FBXL7: variants seen among roughly 807,000 people sequenced by gnomAD.
The protein encoded by FBXL7 is F-box/LRR-repeat protein 7.
A neutral mutation model predicts 38.3 loss-of-function variants in FBXL7; 12 were observed. The ratio of observed to expected loss-of-function variants is 0.31; its 90% CI spans 0.20 to 0.51. The LOEUF is 0.51. FBXL7 is among the 20% of genes least tolerant of loss of function. The pLI, the probability that FBXL7 is intolerant of heterozygous loss-of-function variation, is 0.98. For missense variants in FBXL7, 567 were observed against 676.4 expected, an observed-to-expected ratio of 0.84 and a Z score of 1.79; for synonymous variants, 297 against 300.9, an observed-to-expected ratio of 0.99 and a Z score of 0.13.
At chr5:15,522,546 A>G (rs1309477513) in intron 1 of FBXL7, among the ~76,000 whole-genome samples, 13 of 152,200 alleles carry the variant, frequency 8.5e-5, no homozygotes, top group African/African-American at 3.1e-4. Context: ...CTGTTCAGAA[A>G]ATATTCCAGA....
chr5:15,653,653 A>G (rs1741779651), intron 2 of FBXL7, among the ~76,000 whole-genome samples: 1 of 152,228 alleles, frequency 6.6e-6, no homozygotes, highest in African/African-American at 2.4e-5. Flanking sequence ...TTTGAGGAGC[A>G]TGATAAAATT....
intron 1 of FBXL7, among the ~76,000 whole-genome samples, chr5:15,530,523 C>A (rs1737388895): frequency 6.6e-6 from 1 of 152,092 alleles, no homozygotes; most frequent in African/African-American, 2.4e-5. Context: ...CTTACAGATT[C>A]CCAGATAAGT....
At chr5:15,761,516 T>G (rs903476706) in intron 2 of FBXL7, among the ~76,000 whole-genome samples, 1 of 152,226 alleles carries the variant, frequency 6.6e-6, no homozygotes, top group African/African-American at 2.4e-5. Flanking sequence ...CTAAAAATAT[T>G]TAAAAGTCAA....
chr5:15,716,177 T>A (rs56161126), intron 2 of FBXL7, among the ~76,000 whole-genome samples: 44,838 of 152,166 alleles, frequency 0.29, 7,336 homozygotes, highest in South Asian at 0.38. Context: ...TAACGCTCTA[T>A]TGTTTATCCT....
At chr5:15,561,076 A>G (rs1170884246) in intron 1 of FBXL7, among the ~76,000 whole-genome samples, 1 of 152,184 alleles carries the variant, frequency 6.6e-6, no homozygotes, top group Non-Finnish European at 1.5e-5. Flanking sequence ...GTAAAGAGTT[A>G]AGAGATCTAA....
chr5:15,617,422 C>CATACATTT (rs1554009585), intron 2 of FBXL7, among the ~76,000 whole-genome samples: 9 of 142,736 alleles, frequency 6.3e-5, no homozygotes, highest in Non-Finnish European at 1.4e-4. Context: ...TGATTCTAGA[C>CATACATTT]ATTTATTTAT....
intron 2 of FBXL7, among the ~76,000 whole-genome samples, chr5:15,714,291 C>A (rs1743969203): frequency 6.6e-6 from 1 of 152,212 alleles, no homozygotes. Context: ...CCTTCTCTCT[C>A]TTCCTCCTTC....
Position 15,623,636 on chromosome 5 carries a change from A to C in FBXL7, c.127+7564A>C, listed in dbSNP as rs1274119195. Among the ~76,000 whole-genome samples, 3 of 152,274 alleles carry C rather than the reference A, an allele frequency of 2.0e-5. No homozygotes were observed. In the East Asian group the frequency reaches 5.8e-4, roughly 29 times the overall value. ...ATTGTCTTCTTTCTACTTCTTCTTG[A>C]ATATACTTTTCAAACAAAATTTACA... On this transcript the variant is annotated intron_variant, in intron 2 of 3. Coordinates refer to ENST00000504595, the MANE Select transcript of FBXL7 (RefSeq NM_012304.5).
At chr5:15,572,372 C>A (rs923237070) in intron 1 of FBXL7, among the ~76,000 whole-genome samples, 1 of 145,784 alleles carries the variant, frequency 6.9e-6, no homozygotes, top group African/African-American at 2.6e-5. Context: ...GCAGAAACAT[C>A]CATCTGGTTT....
chr5:15,797,330 G>A (rs531777243), intron 2 of FBXL7, among the ~76,000 whole-genome samples: 2 of 152,198 alleles, frequency 1.3e-5, no homozygotes, highest in African/African-American at 4.8e-5. Flanking sequence ...CCAGAGGAAC[G>A]TGATATGTGG....
intron 2 of FBXL7, among the ~76,000 whole-genome samples, chr5:15,916,044 C>T (rs550224592): frequency 7.2e-5 from 11 of 152,222 alleles, no homozygotes; most frequent in Admixed American, 4.6e-4. Context: ...TAATACAGAA[C>T]GTAAGGCGGA....
intron 2 of FBXL7, among the ~76,000 whole-genome samples, chr5:15,852,178 G>A (rs1375983705): frequency 6.6e-6 from 1 of 152,112 alleles, no homozygotes. Context: ...TATTGGATTG[G>A]TTACAATGGA....
chr5:15,658,913 G>T (rs970165629), intron 2 of FBXL7, among the ~76,000 whole-genome samples: 2 of 151,918 alleles, frequency 1.3e-5, no homozygotes. Flanking sequence ...TTCTTTTTTT[G>T]GAGGCAGAAA....
At chr5:15,592,356 T>G (rs1200174856) in intron 1 of FBXL7, among the ~76,000 whole-genome samples, 1 of 152,166 alleles carries the variant, frequency 6.6e-6, no homozygotes, top group African/African-American at 2.4e-5. Flanking sequence ...GGGATACAGT[T>G]GCCCAGGGAT....
chr5:15,749,823 A>G (rs1299571058), intron 2 of FBXL7, among the ~76,000 whole-genome samples: 2 of 152,174 alleles, frequency 1.3e-5, no homozygotes, highest in East Asian at 1.9e-4. Context: ...TTGCCTTGAC[A>G]GAGCCCAGAG....
chr5:15,767,976 TGTA>T (rs1420896773), intron 2 of FBXL7, among the ~76,000 whole-genome samples: 11 of 152,194 alleles, frequency 7.2e-5, no homozygotes, highest in African/African-American at 2.7e-4. Flanking sequence ...ACTTTTGTCA[TGTA>T]GTAAATTTGT....
chr5:15,613,214 T>C (rs548130907), intron 1 of FBXL7, among the ~76,000 whole-genome samples: 2 of 152,200 alleles, frequency 1.3e-5, no homozygotes, highest in Non-Finnish European at 2.9e-5. Flanking sequence ...ACTGAGCTGC[T>C]AGGAATCATT....
chr5:15,846,547 A>G (rs1334541231), intron 2 of FBXL7, among the ~76,000 whole-genome samples: 1 of 152,236 alleles, frequency 6.6e-6, no homozygotes, highest in Non-Finnish European at 1.5e-5. Context: ...TAACCTGCAA[A>G]GGAAAGCCAA....
intron 2 of FBXL7, among the ~76,000 whole-genome samples, chr5:15,692,779 C>T (rs1026757647): frequency 6.6e-6 from 1 of 152,076 alleles, no homozygotes; most frequent in Non-Finnish European, 1.5e-5. Flanking sequence ...CGGGTGGTGC[C>T]TACATGAAGT....
Sources: gnomAD v4.1 joint callset for allele counts (sites outside exome capture counted in the v4.1 genomes callset) on GRCh38, gnomAD v4.1.1 for gene constraint, MANE v1.5 for transcripts, NCBI Gene and HGNC (gene_info 2026-07-23, HGNC 2026-07-21) for gene names.